Variants in ZBTB44 observed in about 807,000 individuals in gnomAD.
ZBTB44 encodes the protein zinc finger and BTB domain containing 44.
Under a neutral mutation model 54.0 loss-of-function variants are expected in ZBTB44, and 15 were observed. The ratio of observed to expected loss-of-function variants is 0.28; its 90% CI spans 0.19 to 0.43. The LOEUF is 0.43. Among genes scored for constraint, ZBTB44 ranks in the 20% least tolerant of loss-of-function variants. ZBTB44 has a pLI of 1.00. For synonymous variants in ZBTB44, 230 were observed against 250.1 expected (o/e 0.92, Z 0.76); for missense variants, 487 against 707.1 (o/e 0.69, Z 3.53).
At chr11:130,236,240 AT>A (rs1260569653) in intron 5 of ZBTB44, 1 of 1,279,202 alleles carries the variant, frequency 7.8e-7, no homozygotes, top group East Asian at 5.6e-5. Flanking sequence ...AGGTAATTCT[AT>A]TATAAATTAA....
In ZBTB44 at chr11:130,229,673, C is replaced by T. The variant is rs1953803124; in HGVS notation, c.*2091G>A. 6.6e-6 allele frequency: 1 copy of T among 152,170 alleles called. No homozygotes were observed. The highest frequency in any genetic ancestry group is 6.5e-5 in the Admixed American group (1 of 15,274). The allele number at this position is 152,170 out of a possible 1,614,324, so 9.4% of individuals were successfully genotyped here. ...CATAGACATGTTTGCCACAACAGAG[C>T]TTCCTTGTTACCCCAATTTTGTTTC... On this transcript the variant is annotated 3_prime_UTR_variant, in exon 8 of 8. Coordinates refer to ENST00000357899, the MANE Select transcript of ZBTB44 (RefSeq NM_001301098.2).
intron 2 of ZBTB44, among the ~76,000 whole-genome samples, chr11:130,248,889 A>T (rs1937753095): frequency 6.6e-6 from 1 of 152,136 alleles, no homozygotes; most frequent in Admixed American, 6.5e-5. Flanking sequence ...GGATCACTTG[A>T]AGTCAGGAGT....
chr11:130,254,862 G>A (rs1190846786), intron 2 of ZBTB44, among the ~76,000 whole-genome samples: 5 of 152,020 alleles, frequency 3.3e-5, no homozygotes, highest in Non-Finnish European at 7.3e-5. Context: ...AAGAAAATGT[G>A]GCACATATAC....
At chr11:130,265,181 C>T (rs979606587) in intron 1 of ZBTB44, among the ~76,000 whole-genome samples, 8 of 152,090 alleles carry the variant, frequency 5.3e-5, no homozygotes, top group Non-Finnish European at 1.0e-4. Flanking sequence ...AATAACCCTA[C>T]GATGGCCTCT....
At position 130,307,607 on chromosome 11, in the gene ZBTB44, G is replaced by C. The variant is rs114288304; in HGVS notation, c.-57+6768C>G. 5.9e-3 allele frequency among the ~76,000 whole-genome samples: 896 copies of C among 152,136 alleles called. 6 individuals are homozygous for C. The highest frequency in any genetic ancestry group is 0.02 in the African/African-American group (846 of 41,482). On this transcript the variant is annotated intron_variant, in intron 1 of 7. Coordinates refer to ENST00000357899, the MANE Select transcript of ZBTB44 (RefSeq NM_001301098.2). Reference sequence around the variant, plus strand: ...AGGAAAATGATATACAATCATGCGTGGCATGTGTCCCTCAATGATAGACCA... The same window carrying C: ...AGGAAAATGATATACAATCATGCGTCGCATGTGTCCCTCAATGATAGACCA...
intron 1 of ZBTB44, among the ~76,000 whole-genome samples, chr11:130,291,608 T>C (rs975350114): frequency 6.6e-6 from 1 of 152,184 alleles, no homozygotes; most frequent in African/African-American, 2.4e-5. Flanking sequence ...ATTTTATCAT[T>C]AAACCAAGCT....
Position 130,238,471 on chromosome 11 carries a change from G to A in ZBTB44, c.1240C>T (p.Leu414=), listed in dbSNP as rs950762857. 12 of 1,609,196 alleles carry A rather than the reference G, an allele frequency of 7.5e-6. No individual in the cohort carries two copies. Among genetic ancestry groups the A allele is most frequent in the Non-Finnish European group, 9.3e-6 (11 of 1,177,750 alleles). ...GAGTGGATGAGCATGTGCTGCTTTA[G>A]GTTCTGAATACGGGTGAATCGCACC... ...CGVRFTRIQN[L]KQHMLIHSGI... Residue 414 remains leucine, a synonymous_variant, in exon 4 of 8, where the codon CTA becomes TTA. Transcript: ENST00000357899.
At chr11:130,258,014 A>G (rs1313583487) in intron 2 of ZBTB44, among the ~76,000 whole-genome samples, 1 of 152,150 alleles carries the variant, frequency 6.6e-6, no homozygotes. Flanking sequence ...TTGATAATTT[A>G]CTCTCAAAAC....
At chr11:130,278,621 A>T (rs1295094258) in intron 1 of ZBTB44, among the ~76,000 whole-genome samples, 1 of 152,024 alleles carries the variant, frequency 6.6e-6, no homozygotes, top group East Asian at 1.9e-4. Flanking sequence ...AGCTCTACTC[A>T]TTATTATCTT....
At chr11:130,294,522 C>T (rs144854698) in intron 1 of ZBTB44, among the ~76,000 whole-genome samples, 23 of 90,530 alleles carry the variant, frequency 2.5e-4, no homozygotes, top group African/African-American at 9.3e-4. Context: ...AGGATTTACA[C>T]AAAGGTCTAT....
rs1436195523 is a variant in ZBTB44, at chr11:130,230,060, GATT to G, written c.*1701_*1703del. 3 of 151,856 alleles carry G rather than the reference GATT, an allele frequency of 2.0e-5. No individual in the cohort carries two copies. Among genetic ancestry groups the G allele is most frequent in the Admixed American group, 1.3e-4 (2 of 15,234 alleles). The allele number at this position is 151,856 out of a possible 1,614,324, so 9.4% of individuals were successfully genotyped here. A position where few individuals can be genotyped will look rare whatever the true frequency, so the allele number is the denominator to read the frequency against. On this transcript the variant is annotated 3_prime_UTR_variant, in exon 8 of 8. Coordinates refer to ENST00000357899, the MANE Select transcript of ZBTB44 (RefSeq NM_001301098.2). ...TTCAGCTAAAATATTAAAATTTTAGGATTATTCATTCAAGTAATAAGTCTCTGT... is the reference window on the plus strand; with the variant it reads ...TTCAGCTAAAATATTAAAATTTTAGGATTCATTCAAGTAATAAGTCTCTGT...
intron 1 of ZBTB44, among the ~76,000 whole-genome samples, chr11:130,289,352 G>A (rs945888412): frequency 1.2e-4 from 18 of 151,778 alleles, no homozygotes; most frequent in African/African-American, 4.1e-4. Flanking sequence ...GCACAGTGGC[G>A]CATGCCTGTA....
In ZBTB44 at chr11:130,261,344, C is replaced by A; in HGVS notation, c.530G>T (p.Cys177Phe). 1 of 1,613,940 alleles carries A rather than the reference C, an allele frequency of 6.2e-7. No individual in the cohort carries two copies. Among genetic ancestry groups the A allele is most frequent in the East Asian group, 2.2e-5 (1 of 44,872 alleles). Residue 177 changes from cysteine (C) to phenylalanine (F), a missense_variant, in exon 2 of 8, where the codon TGC (cysteine) becomes TTC (phenylalanine). Physicochemically the swap from Cys to Phe is radical, Grantham distance 205. Around this residue, in one of 3 missense-constraint regions of ZBTB44, gnomAD observed 277 missense variants for 306.5 expected, o/e 0.90. Coordinates refer to ENST00000357899, the MANE Select transcript of ZBTB44 (RefSeq NM_001301098.2). This position sits in a 1 kb window ranked among gnomAD's most constrained non-coding sequence, Gnocchi z 4.8. ...CSVVERTIPV[C>F]RESRRKRKSY... ...TTTGCGCTTTCTCCGGGATTCTCGG[C>A]AGACAGGAATGGTTCTTTCTACCAC...
At position 130,261,312 on chromosome 11, in the gene ZBTB44, T is replaced by A; in HGVS notation, c.562A>T (p.Ile188Phe). 6.2e-7 allele frequency: 1 copy of A among 1,613,934 alleles called. No individual in the cohort carries two copies. The highest frequency in any genetic ancestry group is 8.5e-7 in the Non-Finnish European group (1 of 1,179,894). ...ACAGGACTTTCAGGAGACATAACAA[T>A]GTAGCTTTTGCGCTTTCTCCGGGAT... ...RESRRKRKSY[I>F]VMSPESPVKC... The change falls in exon 2 of 8, where the codon ATT becomes TTT. Residue 188 changes from isoleucine to phenylalanine, a missense_variant. Around this residue, in one of 3 missense-constraint regions of ZBTB44, gnomAD observed 277 missense variants for 306.5 expected, o/e 0.90. Transcript: ENST00000357899. This position sits in a 1 kb window ranked among gnomAD's most constrained non-coding sequence, Gnocchi z 4.8.
At chr11:130,232,171 A>G (rs150817840) in intron 7 of ZBTB44, 90 of 152,204 alleles carry the variant, frequency 5.9e-4, no homozygotes, top group African/African-American at 2.1e-3. Context: ...GAATTAGCCA[A>G]TCTAAAAAAA....
intron 1 of ZBTB44, among the ~76,000 whole-genome samples, chr11:130,289,762 T>C (rs1941195282): frequency 6.6e-6 from 1 of 152,166 alleles, no homozygotes; most frequent in Non-Finnish European, 1.5e-5. Context: ...AATTGCTAAT[T>C]TAACCAACTC....
chr11:130,311,303 G>C (rs144409362), intron 1 of ZBTB44, among the ~76,000 whole-genome samples: 2,107 of 152,142 alleles, frequency 0.014, 38 homozygotes, highest in African/African-American at 0.04. Flanking sequence ...CAACCTCCTG[G>C]GCTCAAGTGA....
At chr11:130,265,116 C>T (rs1466221420) in intron 1 of ZBTB44, among the ~76,000 whole-genome samples, 1 of 152,160 alleles carries the variant, frequency 6.6e-6, no homozygotes, top group Non-Finnish European at 1.5e-5. Flanking sequence ...TCTCTCTCCT[C>T]CTCCTCAGGT....
intron 1 of ZBTB44, among the ~76,000 whole-genome samples, chr11:130,289,179 C>T (rs1193326753): frequency 3.3e-5 from 5 of 151,602 alleles, no homozygotes; most frequent in African/African-American, 4.8e-5. Context: ...AAATCTGCAA[C>T]GTAGATATAA....
Sources: allele counts gnomAD v4.1 joint callset (sites outside exome capture counted in the v4.1 genomes callset), GRCh38; gene constraint gnomAD v4.1.1; regional missense constraint gnomAD v4.1.1; non-coding constraint Gnocchi (gnomAD v3.1); transcripts MANE v1.5; gene names NCBI Gene and HGNC (gene_info 2026-07-23, HGNC 2026-07-21).